RAB37: variants seen among roughly 807,000 people sequenced by gnomAD.
RAB37 encodes the protein ras-related protein Rab-37.
In RAB37, 29 loss-of-function variants were observed where a neutral mutation model predicts 33.1. That is an observed-to-expected ratio of 0.88 (90% CI 0.65 to 1.20). RAB37 has a LOEUF of 1.20. Among genes scored for constraint, RAB37 ranks in the 50% most tolerant of loss-of-function variants. RAB37 has a pLI of 0.00. For missense variants in RAB37, 299 were observed against 301.1 expected (o/e 0.99, Z 0.05); for synonymous variants, 128 against 119.5 (o/e 1.07, Z -0.47).
At chr17:74,711,843 T>C (rs996158635) in intron 1 of RAB37, among the ~76,000 whole-genome samples, 1 of 152,130 alleles carries the variant, frequency 6.6e-6, no homozygotes, top group African/African-American at 2.4e-5. Context: ...ACAGTACTTA[T>C]CACTTCTCAC....
chr17:74,737,546 G>T (rs1477828592), intron 1 of RAB37, among the ~76,000 whole-genome samples, 181 bp downstream of exon 1: 2 of 152,178 alleles, frequency 1.3e-5, no homozygotes, highest in Non-Finnish European at 1.5e-5. Flanking sequence ...CTGGCTTGGT[G>T]GGGGCGGGTC....
intron 2 of RAB37, among the ~76,000 whole-genome samples, chr17:74,741,317 G>A (rs1177676206): frequency 6.6e-6 from 1 of 152,154 alleles, no homozygotes; most frequent in Non-Finnish European, 1.5e-5. Flanking sequence ...GCCGGGCATG[G>A]TGGCTCTTGC....
chr17:74,699,012 A>C (rs144028707), intron 1 of RAB37, among the ~76,000 whole-genome samples: 2,368 of 152,162 alleles, frequency 0.016, 65 homozygotes, highest in East Asian at 0.15. Flanking sequence ...TCCACCTCCC[A>C]GGTTCAAGAG....
In RAB37 at chr17:74,679,977, CAA is replaced by C. The variant is rs11306402; in HGVS notation, c.72+8335_72+8336del. ...TGGGTGACACAGCAAGGCTCTGTCT[CAA>C]AAAAAAAAAAAAAAAGAAAGAAAGA... On this transcript the variant is annotated intron_variant, in intron 1 of 7. Transcript: ENST00000340415. Among the ~76,000 whole-genome samples the C allele has an allele frequency of 3.2e-3, 348 of 107,248 alleles. 1 individual carries two copies. The highest frequency in any genetic ancestry group is 8.2e-3 in the African/African-American group (243 of 29,656). The allele number at this position is 107,248 out of a possible 152,430, so 70.4% of individuals were successfully genotyped here.
chr17:74,733,387 TATG>T (rs2034416120), upstream of RAB37, among the ~76,000 whole-genome samples: 1 of 112,246 alleles, frequency 8.9e-6, no homozygotes, highest in African/African-American at 3.4e-5. Flanking sequence ...ATGTGTGTGG[TATG>T]ATGTAGGGTG....
chr17:74,734,934 GAGAAAGAA>G (rs546356955), upstream of RAB37, among the ~76,000 whole-genome samples: 26 of 116,964 alleles, frequency 2.2e-4, no homozygotes, highest in Admixed American at 1.4e-3. Context: ...GAGAAAGAAA[GAGAAAGAA>G]AGAAAGAGAG....
intron 1 of RAB37, among the ~76,000 whole-genome samples, chr17:74,690,342 A>G (rs557734877): frequency 2.0e-5 from 3 of 152,178 alleles, no homozygotes; most frequent in Non-Finnish European, 4.4e-5. Flanking sequence ...TTAGGCACTC[A>G]ATCAGGATTG....
intron 1 of RAB37, among the ~76,000 whole-genome samples, chr17:74,726,951 A>G (rs533369942): frequency 6.6e-6 from 1 of 152,320 alleles, no homozygotes; most frequent in South Asian, 2.1e-4. Flanking sequence ...TCACCCATTC[A>G]TTCATCCATT....
At chr17:74,725,744 C>A (rs2034298665) in intron 1 of RAB37, among the ~76,000 whole-genome samples, 1 of 151,940 alleles carries the variant, frequency 6.6e-6, no homozygotes, top group African/African-American at 2.4e-5. Flanking sequence ...CTGCCTCAGC[C>A]TCCCAAGTAG....
At chr17:74,739,211 G>T (rs976501038) in intron 1 of RAB37, among the ~76,000 whole-genome samples, 4 of 152,170 alleles carry the variant, frequency 2.6e-5, no homozygotes, top group African/African-American at 9.7e-5. Context: ...CACCTAACCA[G>T]CAGCTGGGAA....
chr17:74,733,483 G>GGT (rs1567811742), upstream of RAB37, among the ~76,000 whole-genome samples: 103 of 83,608 alleles, frequency 1.2e-3, no homozygotes, highest in Middle Eastern at 0.041. Flanking sequence ...TGTGGTGTGA[G>GGT]GTGTGTGGTG....
At chr17:74,716,018 G>A (rs1045903957) in intron 1 of RAB37, among the ~76,000 whole-genome samples, 7 of 152,146 alleles carry the variant, frequency 4.6e-5, no homozygotes, top group African/African-American at 1.7e-4. Flanking sequence ...GGGTAACTGA[G>A]CAACACACTG....
At chr17:74,703,012 C>T in intron 1 of RAB37, 1 of 1,594,272 alleles carries the variant, frequency 6.3e-7, no homozygotes, top group Non-Finnish European at 8.6e-7. Flanking sequence ...AAGTAGGCCA[C>T]AGTGGAACCA....
intron 1 of RAB37, among the ~76,000 whole-genome samples, chr17:74,725,552 C>T (rs925024828): frequency 1.3e-5 from 2 of 152,066 alleles, no homozygotes; most frequent in Admixed American, 1.3e-4. Context: ...GATCATTCAA[C>T]AATGCTTGTA....
chr17:74,733,348 AT>A (rs1478333976), upstream of RAB37, among the ~76,000 whole-genome samples: 1 of 151,650 alleles, frequency 6.6e-6, no homozygotes, highest in Non-Finnish European at 1.5e-5. Context: ...GGTGTGAGGC[AT>A]GTGTATTTAT....
intron 1 of RAB37, among the ~76,000 whole-genome samples, chr17:74,691,045 A>G (rs1393611816): frequency 6.6e-6 from 1 of 152,172 alleles, no homozygotes; most frequent in Admixed American, 6.5e-5. Context: ...CAGCCTCCCA[A>G]GTAGCTGGGA....
upstream of RAB37, among the ~76,000 whole-genome samples, chr17:74,732,689 A>ATG (rs2034404421): frequency 1.2e-4 from 5 of 41,424 alleles, no homozygotes; most frequent in South Asian, 1.2e-3. Context: ...TGAGATGTGT[A>ATG]TGGTGTGATT....
intron 1 of RAB37, among the ~76,000 whole-genome samples, chr17:74,679,846 C>T (rs543661100): frequency 2.6e-5 from 4 of 151,854 alleles, no homozygotes; most frequent in South Asian, 2.1e-4. Flanking sequence ...GGTGTGGTGG[C>T]GGGCACCTGT....
At chr17:74,697,024 C>T (rs1036602178) in intron 1 of RAB37, among the ~76,000 whole-genome samples, 1 of 152,172 alleles carries the variant, frequency 6.6e-6, no homozygotes, top group Non-Finnish European at 1.5e-5. Flanking sequence ...TCACTGCAAC[C>T]TCCACCTCCT....
Sources: gnomAD v4.1 joint callset for allele counts (sites outside exome capture counted in the v4.1 genomes callset) on GRCh38, gnomAD v4.1.1 for gene constraint, MANE v1.5 for transcripts, NCBI Gene and HGNC (gene_info 2026-07-23, HGNC 2026-07-21) for gene names.